The following PDIA5 variants were observed in gnomAD, a reference collection of about 807,000 sequenced individuals.
PDIA5 encodes the protein protein disulfide-isomerase A5.
A neutral mutation model predicts 77.6 loss-of-function variants in PDIA5; 58 were observed. The ratio of observed to expected loss-of-function variants is 0.75; its 90% CI spans 0.61 to 0.93. PDIA5 has a LOEUF of 0.93. Among genes scored for constraint, PDIA5 ranks in the 40% least tolerant of loss-of-function variants. PDIA5 has a pLI of 0.00. For missense variants in PDIA5, 630 were observed against 647.7 expected (o/e 0.97, Z 0.30); for synonymous variants, 250 against 252.1 (o/e 0.99, Z 0.08).
Position 123,145,419 on chromosome 3 carries a change from G to C in PDIA5, c.911-103G>C, listed in dbSNP as rs1490644774. 21 of 747,748 alleles carry C rather than the reference G, an allele frequency of 2.8e-5. No individual in the cohort carries two copies. The South Asian group carries it at 3.6e-4, about 13-fold the overall frequency. The allele number at this position is 747,748 out of a possible 1,614,324, so 46.3% of individuals were successfully genotyped here. On this transcript the variant is annotated intron_variant, in intron 11 of 16. Coordinates refer to ENST00000316218, the MANE Select transcript of PDIA5 (RefSeq NM_006810.4). ...GCTGGTGCTGCTGCTGCTTTTCTCA[G>C]GTGTCTGGGAATGGGACTGAGCTGC...
chr3:123,100,710 A>G (rs917328214), intron 3 of PDIA5, among the ~76,000 whole-genome samples: 2 of 152,210 alleles, frequency 1.3e-5, no homozygotes, highest in Non-Finnish European at 2.9e-5. Flanking sequence ...TGAGTTGCAA[A>G]TTGCATCTTT....
chr3:123,151,782 GGCCTGCCTTCCT>G (rs1935904850), intron 14 of PDIA5, among the ~76,000 whole-genome samples: 1 of 50,106 alleles, frequency 2.0e-5, no homozygotes, highest in Non-Finnish European at 4.0e-5. Flanking sequence ...CTGCCTGCCT[GGCCTGCCTTCCT>G]GCCTGCCTGC....
At chr3:123,126,928 G>A (rs1445822871) in intron 10 of PDIA5, among the ~76,000 whole-genome samples, 2 of 152,200 alleles carry the variant, frequency 1.3e-5, no homozygotes, top group South Asian at 2.1e-4. Flanking sequence ...GTTGATCGTG[G>A]CACTGGTGTC....
chr3:123,147,605 A>G (rs1022564719), intron 13 of PDIA5, among the ~76,000 whole-genome samples: 2 of 152,170 alleles, frequency 1.3e-5, no homozygotes, highest in Non-Finnish European at 2.9e-5. Flanking sequence ...CTCTGGCAAG[A>G]GATGAATGGA....
At chr3:123,103,950 G>A (rs544139733) in intron 5 of PDIA5, among the ~76,000 whole-genome samples, 26 of 152,294 alleles carry the variant, frequency 1.7e-4, no homozygotes, top group Non-Finnish European at 3.2e-4. Context: ...TGAAGGCTGT[G>A]TATATTTTAT....
intron 7 of PDIA5, among the ~76,000 whole-genome samples, chr3:123,114,803 G>A (rs919082287): frequency 5.3e-5 from 8 of 152,148 alleles, no homozygotes; most frequent in African/African-American, 1.9e-4. Context: ...CGGCGGGCTC[G>A]CGCTGCAGGC....
chr3:123,149,642 T>C (rs757565767), intron 13 of PDIA5, among the ~76,000 whole-genome samples: 1 of 152,092 alleles, frequency 6.6e-6, no homozygotes, highest in Non-Finnish European at 1.5e-5. Context: ...CAGTAAATAT[T>C]AGTTCCTTGA....
At chr3:123,127,259 C>T (rs367658996) in intron 10 of PDIA5, among the ~76,000 whole-genome samples, 62 of 152,272 alleles carry the variant, frequency 4.1e-4, no homozygotes, top group African/African-American at 1.5e-3. Flanking sequence ...TGAAATCAGT[C>T]GCATGAAGGC....
intron 1 of PDIA5, among the ~76,000 whole-genome samples, chr3:123,083,672 G>T (rs1247406947): frequency 6.6e-6 from 1 of 152,174 alleles, no homozygotes; most frequent in Non-Finnish European, 1.5e-5. Context: ...TCCCCCAAGG[G>T]CTTGACAAAG....
intron 11 of PDIA5, among the ~76,000 whole-genome samples, chr3:123,132,104 C>T (rs990805818): frequency 2.0e-5 from 3 of 152,312 alleles, no homozygotes; most frequent in Middle Eastern, 3.4e-3. Context: ...TTTTACCCAG[C>T]GTGCCACAAA....
chr3:123,106,700 C>T (rs1419671715), intron 5 of PDIA5, 49 bp from the exon 6 acceptor site: 1 of 1,373,192 alleles, frequency 7.3e-7, no homozygotes, highest in East Asian at 2.3e-5. Flanking sequence ...CCCCACCTCC[C>T]TCTTTTCAGG....
In PDIA5 at chr3:123,067,176, C is replaced by A. The variant is rs957518622; in HGVS notation, c.12C>A (p.Ala4=). The part of the protein sequence containing the change: MAR[A]GPAWLLLAIW... ...GCAGCGCTGCTGGGATGGCGCGGGC[C>A]GGGCCGGCGTGGCTGCTGCTGGCAA... Residue 4 remains alanine, a synonymous_variant, in exon 1 of 17, where the codon GCC becomes GCA. Coordinates refer to ENST00000316218, the MANE Select transcript of PDIA5 (RefSeq NM_006810.4). 1 of 1,246,496 alleles carries A rather than the reference C, an allele frequency of 8.0e-7. No individual in the cohort carries two copies. Among genetic ancestry groups the A allele is most frequent in the Non-Finnish European group, 1.0e-6 (1 of 990,226 alleles). The allele number at this position is 1,246,496 out of a possible 1,614,324, so 77.2% of individuals were successfully genotyped here. A position where few individuals can be genotyped will look rare whatever the true frequency, so the allele number is the denominator to read the frequency against.
At chr3:123,108,420 A>T (rs1040223359) in intron 6 of PDIA5, among the ~76,000 whole-genome samples, 4 of 150,572 alleles carry the variant, frequency 2.7e-5, no homozygotes, top group African/African-American at 9.8e-5. Flanking sequence ...AGCTGGGATT[A>T]CAGGTGTGTG....
At chr3:123,071,831 G>T (rs1373066499) in intron 1 of PDIA5, among the ~76,000 whole-genome samples, 1 of 152,158 alleles carries the variant, frequency 6.6e-6, no homozygotes, top group Non-Finnish European at 1.5e-5. Flanking sequence ...CTAGCCCAGG[G>T]CCTGGCATGT....
At chr3:123,157,766 C>A (rs1052462325) in intron 15 of PDIA5, among the ~76,000 whole-genome samples, 3 of 152,228 alleles carry the variant, frequency 2.0e-5, no homozygotes, top group African/African-American at 4.8e-5. Context: ...TACTTGGGGA[C>A]TTTATCGGTT....
At chr3:123,082,546 G>A (rs1367671856) in intron 1 of PDIA5, among the ~76,000 whole-genome samples, 1 of 151,946 alleles carries the variant, frequency 6.6e-6, no homozygotes, top group East Asian at 1.9e-4. Flanking sequence ...GATGATTTGA[G>A]GTTTTCTGGT....
chr3:123,107,919 C>T (rs1056076374), intron 6 of PDIA5, among the ~76,000 whole-genome samples: 2 of 152,134 alleles, frequency 1.3e-5, no homozygotes, highest in African/African-American at 4.8e-5. Flanking sequence ...CTGCTTCGAC[C>T]TCCTAAGTAA....
chr3:123,124,708 A>T (rs1291255765), intron 10 of PDIA5, among the ~76,000 whole-genome samples: 1 of 152,192 alleles, frequency 6.6e-6, no homozygotes, highest in African/African-American at 2.4e-5. Flanking sequence ...CCCACATTTC[A>T]CATCAAGTTT....
intron 7 of PDIA5, among the ~76,000 whole-genome samples, chr3:123,114,254 G>A (rs889917248): frequency 6.6e-5 from 10 of 152,234 alleles, no homozygotes; most frequent in Non-Finnish European, 1.5e-4. Context: ...AAGTCACTGA[G>A]CGAAGAATGA....
Sources: allele counts gnomAD v4.1 joint callset (sites outside exome capture counted in the v4.1 genomes callset), GRCh38; gene constraint gnomAD v4.1.1; transcripts MANE v1.5; gene names NCBI Gene and HGNC (gene_info 2026-07-23, HGNC 2026-07-21).